The following PHAF1 variants were observed in gnomAD, a reference collection of about 807,000 sequenced individuals.
PHAF1 encodes phagophore assembly factor 1.
In PHAF1, 23 loss-of-function variants were observed where a neutral mutation model predicts 63.1. The observed-to-expected ratio is 0.36, with a 90% CI of 0.26 to 0.52. The LOEUF (loss-of-function observed/expected upper bound fraction) is 0.52. Ranked by LOEUF, PHAF1 falls within the 20% of genes least tolerant of loss-of-function variation. The pLI, the probability that PHAF1 is intolerant of heterozygous loss-of-function variation, is 0.93. For missense variants in PHAF1, 427 were observed against 517.2 expected, an observed-to-expected ratio of 0.83 and a Z score of 1.69; for synonymous variants, 167 against 185.0, an observed-to-expected ratio of 0.90 and a Z score of 0.79.
At chr16:67,145,351 C>G in intron 12 of PHAF1, 25 bp from the exon 13 acceptor site, 1 of 1,613,788 alleles carries the variant, frequency 6.2e-7, no homozygotes, top group South Asian at 1.1e-5. Context: ...AGCTACAAAT[C>G]TGCCCCACTG....
intron 3 of PHAF1, among the ~76,000 whole-genome samples, chr16:67,128,012 A>G (rs973805288): frequency 6.6e-6 from 1 of 152,206 alleles, no homozygotes; most frequent in Non-Finnish European, 1.5e-5. Context: ...CATGGTGAAG[A>G]CAATGTCATA....
At chr16:67,121,491 C>T (rs949750520) in intron 2 of PHAF1, among the ~76,000 whole-genome samples, 2 of 144,232 alleles carry the variant, frequency 1.4e-5, no homozygotes. Flanking sequence ...CGTGAGCCAC[C>T]GTGCCTGGCC....
chr16:67,118,766 CTTTTTTTTT>C (rs910658530), intron 1 of PHAF1, among the ~76,000 whole-genome samples: 2,303 of 100,078 alleles, frequency 0.023, 75 homozygotes, highest in African/African-American at 0.11. Context: ...TGATCTTAAA[CTTTTTTTTT>C]TTTTTTTTTT....
At chr16:67,125,370 G>A (rs140290165) in intron 2 of PHAF1, among the ~76,000 whole-genome samples, 17 of 152,230 alleles carry the variant, frequency 1.1e-4, no homozygotes, top group Admixed American at 8.5e-4. Context: ...GGGAGGCTGG[G>A]GGGAGAGAGA....
rs572156446 is a variant in PHAF1, at chr16:67,113,238, C to T, written c.64+2999C>T. Among the ~76,000 whole-genome samples the T allele has an allele frequency of 9.3e-4, 142 of 152,262 alleles. 2 individuals carry two copies. The highest frequency in any genetic ancestry group is 9.8e-4 in the Admixed American group (15 of 15,288). On this transcript the variant is annotated intron_variant, in intron 1 of 15. Transcript: ENST00000219139. ...TGCAAATGCAGATGCAATTATCTGC[C>T]TGGCATCACAATGGGAAGCTGCATC...
At chr16:67,126,634 AC>A (rs1205955378) in intron 3 of PHAF1, among the ~76,000 whole-genome samples, 2 of 141,332 alleles carry the variant, frequency 1.4e-5, no homozygotes, top group Admixed American at 7.5e-5. Flanking sequence ...TAGCTCTGTC[AC>A]CCAGGCTGGA....
Position 67,132,892 on chromosome 16 carries a change from C to T in PHAF1, c.431C>T (p.Thr144Ile), listed in dbSNP as rs144322662. The T allele has an allele frequency of 4.3e-6, 7 of 1,611,206 alleles. No individual in the cohort carries two copies. In the African/African-American group the frequency reaches 9.4e-5, roughly 22 times the overall value. ...TTCTCTTTTCAGTTAGACTCATGGA[C>T]TGAGGCTCCAAAGTATGAGGTTAGC... ...LSFSFQLDSW[T>I]EAPKYEPNFA... Residue 144 changes from threonine (T) to isoleucine (I), a missense_variant, in exon 6 of 16, where the codon ACT becomes ATT. Physicochemically the swap from Thr to Ile is moderately conservative, Grantham distance 89 (BLOSUM62 -1). Transcript: ENST00000219139.
At position 67,144,692 on chromosome 16, in the gene PHAF1, C is replaced by G. The variant is rs201697812; in HGVS notation, c.963-142C>G. ...CTTCCGTGCCTAAATCTGGCCTCCC[C>G]CAGTGAACACTGTCAGGCACTCAGA... On this transcript the variant is annotated intron_variant, in intron 11 of 15. Coordinates refer to ENST00000219139, the MANE Select transcript of PHAF1 (RefSeq NM_025187.5). 2.0e-4 allele frequency: 186 copies of G among 952,064 alleles called. 2 individuals are homozygous for G. The East Asian group carries it at 4.2e-3, about 22-fold the overall frequency. The allele number at this position is 952,064 out of a possible 1,614,324, so 59.0% of individuals were successfully genotyped here. A position where few individuals can be genotyped will look rare whatever the true frequency, so the allele number is the denominator to read the frequency against.
intron 1 of PHAF1, among the ~76,000 whole-genome samples, chr16:67,114,075 G>C (rs1025493331): frequency 2.6e-5 from 4 of 152,080 alleles, no homozygotes; most frequent in African/African-American, 9.7e-5. Context: ...AATTAGTCTT[G>C]AAAGGGACTA....
rs1325608984 is a variant in PHAF1, at chr16:67,147,212, G to A, written c.*81G>A. 1.5e-6 allele frequency: 2 copies of A among 1,377,788 alleles called. No homozygotes were observed. The highest frequency in any genetic ancestry group is 2.1e-6 in the Non-Finnish European group (2 of 974,520). The allele number at this position is 1,377,788 out of a possible 1,614,324, so 85.3% of individuals were successfully genotyped here. On this transcript the variant is annotated 3_prime_UTR_variant, in exon 16 of 16. Coordinates refer to ENST00000219139, the MANE Select transcript of PHAF1 (RefSeq NM_025187.5). ...AGTGGGCCTCTGTACCACCCTGTGGGTTTTCTTGGACACCTGGCCAGTGCT... is the reference window on the plus strand; with the variant it reads ...AGTGGGCCTCTGTACCACCCTGTGGATTTTCTTGGACACCTGGCCAGTGCT...
At chr16:67,144,261 T>TCC in intron 10 of PHAF1, 33 bp from the exon 11 acceptor site, 2 of 1,523,738 alleles carry the variant, frequency 1.3e-6, no homozygotes, top group African/African-American at 2.7e-5. Context: ...TCAGTAACAT[T>TCC]CCCTCCTTGA....
At chr16:67,124,285 A>T (rs1963096600) in intron 2 of PHAF1, among the ~76,000 whole-genome samples, 1 of 152,244 alleles carries the variant, frequency 6.6e-6, no homozygotes, top group East Asian at 1.9e-4. Flanking sequence ...ATCCAAGGTC[A>T]TAGTTCATTG....
rs1291019247 is a variant in PHAF1 at position 67,144,339 on chromosome 16, C to G, written c.925C>G (p.Leu309Val). 1 of 1,612,096 alleles carries G rather than the reference C, an allele frequency of 6.2e-7. No individual in the cohort carries two copies. The highest frequency in any genetic ancestry group is 2.2e-5 in the East Asian group (1 of 44,872). The change falls in exon 11 of 16, where the codon CTA (leucine) becomes GTA (valine). Residue 309 changes from leucine (L) to valine (V), a missense_variant. Physicochemically the swap from Leu to Val is conservative, Grantham distance 32. Transcript: ENST00000219139. ...TACACACAAAGTGAAGAAGTTTGTTCTACACACCAATTACCCTGGGCATTA... is the reference window on the plus strand; with the variant it reads ...TACACACAAAGTGAAGAAGTTTGTTGTACACACCAATTACCCTGGGCATTA... The part of the protein sequence containing the change: ...ANTHKVKKFV[L>V]HTNYPGHYNF...
At chr16:67,137,419 A>G (rs1963650566) in intron 8 of PHAF1, among the ~76,000 whole-genome samples, 1 of 152,052 alleles carries the variant, frequency 6.6e-6, no homozygotes, top group African/African-American at 2.4e-5. Flanking sequence ...CCTGGGTTAA[A>G]GCGATTCTCA....
chr16:67,143,537 C>T (rs1963883414), intron 10 of PHAF1, among the ~76,000 whole-genome samples: 1 of 152,232 alleles, frequency 6.6e-6, no homozygotes, highest in African/African-American at 2.4e-5. Context: ...ACTGCACCTC[C>T]TGGGGCCTTG....
intron 1 of PHAF1, among the ~76,000 whole-genome samples, chr16:67,115,831 T>C (rs1285320860): frequency 6.6e-6 from 1 of 152,138 alleles, no homozygotes; most frequent in Non-Finnish European, 1.5e-5. Context: ...AGACATCCTT[T>C]GATGTGGTAA....
At chr16:67,142,032 C>T (rs1963831488) in intron 10 of PHAF1, among the ~76,000 whole-genome samples, 1 of 152,092 alleles carries the variant, frequency 6.6e-6, no homozygotes, top group Non-Finnish European at 1.5e-5. Flanking sequence ...GGAGGGTGAG[C>T]AAAAAGGAGA....
At chr16:67,122,110 G>A (rs1322719514) in intron 2 of PHAF1, among the ~76,000 whole-genome samples, 3 of 151,242 alleles carry the variant, frequency 2.0e-5, no homozygotes, top group Non-Finnish European at 4.4e-5. Flanking sequence ...GTGTTTTTCA[G>A]GCTGGTCTCA....
At position 67,131,279 on chromosome 16, in the gene PHAF1, T is replaced by G; in HGVS notation, c.232-7T>G. The G allele has an allele frequency of 6.3e-7, 1 of 1,587,954 alleles. No homozygotes were observed. ...AGAGCATTGACAACTCTTAAACTTT[T>G]TTTTAGGTGATCGAAGTATGTGATT... On this transcript the variant is annotated splice_polypyrimidine_tract_variant and splice_region_variant and intron_variant, in intron 3 of 15. Transcript: ENST00000219139.
Sources: gnomAD v4.1 joint callset for allele counts (sites outside exome capture counted in the v4.1 genomes callset) on GRCh38, gnomAD v4.1.1 for gene constraint, MANE v1.5 for transcripts, NCBI Gene and HGNC (gene_info 2026-07-23, HGNC 2026-07-21) for gene names.